Variants in KMT2C observed in about 807,000 individuals in gnomAD.
KMT2C encodes the protein lysine methyltransferase 2C.
Under a neutral mutation model 507.9 loss-of-function variants are expected in KMT2C, and 88 were observed. The observed-to-expected ratio is 0.17, with a 90% CI of 0.15 to 0.21. The LOEUF (loss-of-function observed/expected upper bound fraction) is 0.21, where lower values mean the gene tolerates loss of function less well. Among genes scored for constraint, KMT2C ranks in the 10% least tolerant of loss-of-function variants. KMT2C has a pLI of 1.00. For synonymous variants in KMT2C, 2,049 were observed against 2,080.8 expected (o/e 0.98, Z 0.42); for missense variants, 4,954 against 5,957.8 (o/e 0.83, Z 5.55).
At chr7:152,402,034 C>T (rs1225112427) in intron 1 of KMT2C, among the ~76,000 whole-genome samples, 4 of 152,238 alleles carry the variant, frequency 2.6e-5, no homozygotes, top group African/African-American at 9.6e-5. Flanking sequence ...CGCTTGAACC[C>T]GGGCGGCAGA....
At chr7:152,423,017 CAA>C (rs1322603206) in intron 1 of KMT2C, among the ~76,000 whole-genome samples, 6 of 87,136 alleles carry the variant, frequency 6.9e-5, no homozygotes, top group Non-Finnish European at 4.7e-5. Context: ...ACTCTCATCT[CAA>C]AAAAAAAAAA....
At chr7:152,272,842 G>T (rs939685278) in intron 7 of KMT2C, among the ~76,000 whole-genome samples, 2 of 152,074 alleles carry the variant, frequency 1.3e-5, no homozygotes, top group Non-Finnish European at 2.9e-5. Context: ...CTATACTTAC[G>T]TTTCACAGAC....
chr7:152,377,734 C>CAAA (rs59181675), intron 1 of KMT2C, among the ~76,000 whole-genome samples: 976 of 62,582 alleles, frequency 0.016, 21 homozygotes, highest in African/African-American at 0.039. Flanking sequence ...GACTCCGTCT[C>CAAA]AAAAAAAAAA....
intron 7 of KMT2C, among the ~76,000 whole-genome samples, chr7:152,269,908 A>G (rs2095930017): frequency 6.6e-6 from 1 of 152,232 alleles, no homozygotes; most frequent in East Asian, 1.9e-4. Context: ...AAAGACAAAA[A>G]CATTGAGCTT....
intron 4 of KMT2C, among the ~76,000 whole-genome samples, chr7:152,313,687 T>C (rs541126699): frequency 3.5e-4 from 54 of 152,300 alleles, no homozygotes; most frequent in Non-Finnish European, 6.0e-4. Context: ...TTTGAAATCA[T>C]TACCAAGCTA....
chr7:152,199,310 T>C lies in KMT2C; in HGVS notation c.4242A>G (p.Ser1414=). ...LDPSLDPLLS[S]SSAPTKSGTH... The stretch of plus-strand genomic sequence containing the variant: ...TTCCAGATTTTGTTGGAGCCGAGGA[T>C]GAACTAAGTAGTGGATCTAAGGAAG... Residue 1414 remains serine, a synonymous_variant, in exon 27 of 59, where the codon TCA becomes TCG. Transcript: ENST00000262189. 2.5e-6 allele frequency: 4 copies of C among 1,597,860 alleles called. No homozygotes were observed. The highest frequency in any genetic ancestry group is 3.4e-6 in the Non-Finnish European group (4 of 1,174,790).
intron 9 of KMT2C, among the ~76,000 whole-genome samples, chr7:152,253,394 G>A (rs2095592804): frequency 6.6e-6 from 1 of 151,674 alleles, no homozygotes; most frequent in Admixed American, 6.6e-5. Flanking sequence ...AGCATGGCCA[G>A]CCTGGTGTGA....
intron 1 of KMT2C, among the ~76,000 whole-genome samples, chr7:152,381,220 C>T (rs1259510080): frequency 6.6e-6 from 1 of 152,126 alleles, no homozygotes; most frequent in African/African-American, 2.4e-5. Flanking sequence ...GTTCTAAACA[C>T]GCCAATAACA....
intron 7 of KMT2C, among the ~76,000 whole-genome samples, chr7:152,273,124 T>A (rs1212057805): frequency 6.6e-6 from 1 of 152,190 alleles, no homozygotes; most frequent in Non-Finnish European, 1.5e-5. Flanking sequence ...TTCACGCATT[T>A]AAACATTTTC....
In KMT2C at chr7:152,273,751, G is replaced by A. The variant is rs2129177705; in HGVS notation, c.966C>T (p.His322=). Reference sequence around the variant, plus strand: ...TGTGTTCTGGACAAAGCAGGAAGATGTGACTGAAATCCTGAAAGGTGCCGG... The same window carrying A: ...TGTGTTCTGGACAAAGCAGGAAGATATGACTGAAATCCTGAAAGGTGCCGG... ...AGAGTFQDFS[H]IFLLCPEHID... The change falls in exon 7 of 59, where the codon CAC becomes CAT. Residue 322 remains histidine, a synonymous_variant. Coordinates refer to ENST00000262189, the MANE Select transcript of KMT2C (RefSeq NM_170606.3). 6.2e-7 allele frequency: 1 copy of A among 1,614,152 alleles called. No individual in the cohort carries two copies.
chr7:152,271,352 G>C (rs1448438235), intron 7 of KMT2C, among the ~76,000 whole-genome samples: 1 of 151,952 alleles, frequency 6.6e-6, no homozygotes, highest in Non-Finnish European at 1.5e-5. Flanking sequence ...GGGTCAGAAC[G>C]CTGTGTAGTT....
intron 1 of KMT2C, among the ~76,000 whole-genome samples, chr7:152,412,872 T>C (rs56180841): frequency 1.5e-4 from 22 of 149,696 alleles, no homozygotes; most frequent in Admixed American, 3.4e-4. Context: ...CAACTCAGAA[T>C]CCTGATTATA....
At chr7:152,209,449 C>G (rs984146364) in intron 23 of KMT2C, among the ~76,000 whole-genome samples, 1 of 123,176 alleles carries the variant, frequency 8.1e-6, no homozygotes, top group African/African-American at 3.6e-5. Flanking sequence ...AGCGGGACTC[C>G]GTCTCAAAAA....
chr7:152,283,229 T>G (rs2096248902), intron 6 of KMT2C, among the ~76,000 whole-genome samples: 1 of 152,294 alleles, frequency 6.6e-6, no homozygotes, highest in African/African-American at 2.4e-5. Flanking sequence ...TTGTTTCAAA[T>G]TAGGGTTTTT....
intron 23 of KMT2C, among the ~76,000 whole-genome samples, chr7:152,214,865 C>T (rs796582781): frequency 1.3e-5 from 2 of 151,852 alleles, no homozygotes; most frequent in African/African-American, 2.4e-5. Flanking sequence ...TTAGGTAAGA[C>T]GAGTAATTCT....
chr7:152,176,829 G>A lies in KMT2C; in HGVS notation c.8624C>T (p.Pro2875Leu), dbSNP rs1314167328. The A allele has an allele frequency of 1.2e-6, 2 of 1,614,198 alleles. No homozygotes were observed. Among genetic ancestry groups the A allele is most frequent in the Middle Eastern group, 1.6e-4 (1 of 6,062 alleles). Residue 2875 changes from proline to leucine, a missense_variant, in exon 38 of 59, where the codon CCA becomes CTA. Coordinates refer to ENST00000262189, the MANE Select transcript of KMT2C (RefSeq NM_170606.3). ...GEKTSLHPCD[P>L]DLFEKRTNRE... ...ATTGGTTCTTTTCTCAAATAGATCTGGATCACAAGGATGCAAAGAAGTCTT... is the reference window on the plus strand; with the variant it reads ...ATTGGTTCTTTTCTCAAATAGATCTAGATCACAAGGATGCAAAGAAGTCTT...
chr7:152,432,061 A>C (rs1235023647), intron 1 of KMT2C, among the ~76,000 whole-genome samples: 1 of 152,196 alleles, frequency 6.6e-6, no homozygotes, highest in Non-Finnish European at 1.5e-5. Context: ...TAATTTTTCT[A>C]CAACAATAAT....
At chr7:152,331,805 T>C (rs1319884100) in intron 2 of KMT2C, among the ~76,000 whole-genome samples, 2 of 151,840 alleles carry the variant, frequency 1.3e-5, no homozygotes, top group Non-Finnish European at 2.9e-5. Flanking sequence ...CCCACCACCA[T>C]GCCTGGCTAA....
At chr7:152,232,815 G>C (rs1475401276) in intron 16 of KMT2C, among the ~76,000 whole-genome samples, 1 of 152,064 alleles carries the variant, frequency 6.6e-6, no homozygotes, top group Non-Finnish European at 1.5e-5. Context: ...CATTAATTCA[G>C]TCATAGAACT....
Sources: gnomAD v4.1 joint callset for allele counts (sites outside exome capture counted in the v4.1 genomes callset) on GRCh38, gnomAD v4.1.1 for gene constraint, MANE v1.5 for transcripts, NCBI Gene and HGNC (gene_info 2026-07-23, HGNC 2026-07-21) for gene names.